MTHFS: variants seen among roughly 807,000 people sequenced by gnomAD.
MTHFS encodes the protein methenyltetrahydrofolate synthetase.
In MTHFS, 7 loss-of-function variants were observed where a neutral mutation model predicts 12.7. The observed-to-expected ratio is 0.55, with a 90% CI of 0.31 to 1.03. The LOEUF is 1.03. MTHFS is among the 50% of genes least tolerant of loss of function. The pLI is 0.05. For missense variants in MTHFS, 252 were observed against 258.1 expected (o/e 0.98, Z 0.16); for synonymous variants, 100 against 97.1 (o/e 1.03, Z -0.18).
intron 2 of MTHFS, among the ~76,000 whole-genome samples, chr15:79,851,220 T>C (rs1472091496): frequency 6.6e-6 from 1 of 152,194 alleles, no homozygotes; most frequent in Admixed American, 6.5e-5. Context: ...TCCCAGTCCA[T>C]GCAGTTTGGT....
At chr15:79,886,902 A>G (rs1460730796) in intron 2 of MTHFS, among the ~76,000 whole-genome samples, 1 of 152,178 alleles carries the variant, frequency 6.6e-6, no homozygotes, top group Non-Finnish European at 1.5e-5. Context: ...AAATTAATAA[A>G]TTACCATTTA....
intron 2 of MTHFS, among the ~76,000 whole-genome samples, chr15:79,867,844 G>T (rs1458566328): frequency 6.6e-6 from 1 of 152,134 alleles, no homozygotes; most frequent in Non-Finnish European, 1.5e-5. Context: ...ACTTGGAAGA[G>T]TATCTCCAGT....
intron 2 of MTHFS, among the ~76,000 whole-genome samples, chr15:79,871,308 G>A (rs746300952): frequency 2.1e-4 from 32 of 152,084 alleles, no homozygotes; most frequent in African/African-American, 5.1e-4. Flanking sequence ...GGGAAAAAAG[G>A]ACACAAAGAA....
At chr15:79,890,754 C>T (rs1279913681) in intron 1 of MTHFS, among the ~76,000 whole-genome samples, 1 of 152,074 alleles carries the variant, frequency 6.6e-6, no homozygotes, top group Non-Finnish European at 1.5e-5. Context: ...AGATAGAGCA[C>T]ATCAAACCAG....
intron 2 of MTHFS, among the ~76,000 whole-genome samples, chr15:79,885,904 G>A (rs1451810169): frequency 6.6e-6 from 1 of 152,212 alleles, no homozygotes; most frequent in Non-Finnish European, 1.5e-5. Flanking sequence ...GAACTTTTCA[G>A]TCTCTGGGCC....
intron 2 of MTHFS, among the ~76,000 whole-genome samples, chr15:79,888,739 G>C (rs1443942230): frequency 6.6e-6 from 1 of 152,184 alleles, no homozygotes; most frequent in Non-Finnish European, 1.5e-5. Context: ...ACACATGGTA[G>C]GTAGTCGAAG....
intron 1 of MTHFS, 129 bp from the exon 2 acceptor site, chr15:79,889,483 G>GA (rs2034437078): frequency 3.0e-6 from 4 of 1,342,712 alleles, no homozygotes; most frequent in East Asian, 2.5e-5. Context: ...AAGGGGGGGG[G>GA]ACCAGAGTGA....
At chr15:79,863,764 A>C (rs1353542058) in intron 2 of MTHFS, among the ~76,000 whole-genome samples, 1 of 152,218 alleles carries the variant, frequency 6.6e-6, no homozygotes, top group Non-Finnish European at 1.5e-5. Flanking sequence ...AGGCAGGACC[A>C]TATGGCATAT....
At chr15:79,850,232 G>A (rs533352459) in intron 2 of MTHFS, among the ~76,000 whole-genome samples, 4 of 152,304 alleles carry the variant, frequency 2.6e-5, no homozygotes, top group Non-Finnish European at 4.4e-5. Context: ...AAGGGGTATA[G>A]TTTCTCCAAT....
chr15:79,844,940 G>A lies in MTHFS; in HGVS notation c.*270C>T. The A allele has an allele frequency of 2.1e-6, 1 of 477,446 alleles. No homozygotes were observed. The highest frequency in any genetic ancestry group is 3.7e-6 in the Non-Finnish European group (1 of 270,762). The allele number at this position is 477,446 out of a possible 1,614,324, so 29.6% of individuals were successfully genotyped here. On this transcript the variant is annotated 3_prime_UTR_variant, in exon 3 of 3. Coordinates refer to ENST00000258874, the MANE Select transcript of MTHFS (RefSeq NM_006441.4). Reference sequence around the variant, plus strand: ...ATAAATATTTAACTTAAATTGCAAAGTAGACAGATCAACTTGTCACATTAA... The same window carrying A: ...ATAAATATTTAACTTAAATTGCAAAATAGACAGATCAACTTGTCACATTAA...
intron 2 of MTHFS, among the ~76,000 whole-genome samples, chr15:79,878,737 T>C (rs897920838): frequency 6.6e-6 from 1 of 150,762 alleles, no homozygotes; most frequent in Non-Finnish European, 1.5e-5. Context: ...GGTGGGAGAG[T>C]CTCCAGAGCA....
intron 2 of MTHFS, among the ~76,000 whole-genome samples, chr15:79,864,911 C>T (rs2033983058): frequency 6.6e-6 from 1 of 152,064 alleles, no homozygotes; most frequent in Non-Finnish European, 1.5e-5. Context: ...ATTTTTATGG[C>T]TGGCATTTGC....
chr15:79,860,517 C>T (rs1229256395), intron 2 of MTHFS, among the ~76,000 whole-genome samples: 6 of 151,702 alleles, frequency 4.0e-5, no homozygotes, highest in Non-Finnish European at 7.4e-5. Context: ...GATAAATTCC[C>T]GGAAAGAAAT....
intron 2 of MTHFS, among the ~76,000 whole-genome samples, chr15:79,883,722 A>G (rs993114111): frequency 6.6e-6 from 1 of 152,118 alleles, no homozygotes; most frequent in Admixed American, 6.5e-5. Context: ...TCCTCTCAAC[A>G]ACACAATTAG....
intron 2 of MTHFS, among the ~76,000 whole-genome samples, chr15:79,851,114 A>G (rs2033710232): frequency 6.6e-6 from 1 of 152,192 alleles, no homozygotes; most frequent in Non-Finnish European, 1.5e-5. Context: ...CTCCTGCGAC[A>G]TTGTTTTTCA....
chr15:79,868,383 G>A (rs1471923789), intron 2 of MTHFS, among the ~76,000 whole-genome samples: 3 of 152,144 alleles, frequency 2.0e-5, no homozygotes, highest in African/African-American at 4.8e-5. Context: ...TTTCCTCATA[G>A]AAGATAATCT....
chr15:79,886,249 C>G (rs2034380466), intron 2 of MTHFS, among the ~76,000 whole-genome samples: 1 of 152,152 alleles, frequency 6.6e-6, no homozygotes, highest in African/African-American at 2.4e-5. Context: ...CAGCTTGTCC[C>G]AAACACTGTA....
chr15:79,849,575 T>A lies in MTHFS; in HGVS notation c.380-4133A>T, dbSNP rs541014375. On this transcript the variant is annotated intron_variant, in intron 2 of 2. Transcript: ENST00000258874. ...ACCTTCACACACCACAAGGTCAGAA[T>A]TCAATAGGGGAGACAGAAGAAAAAC... Among the ~76,000 whole-genome samples the A allele has an allele frequency of 3.3e-4, 50 of 152,314 alleles. 2 individuals carry two copies. The South Asian group carries it at 9.7e-3, about 30-fold the overall frequency.
intron 1 of MTHFS, among the ~76,000 whole-genome samples, chr15:79,894,933 T>C (rs1253590995): frequency 1.3e-5 from 2 of 152,030 alleles, no homozygotes; most frequent in African/African-American, 4.8e-5. Flanking sequence ...AGCCCCTTAC[T>C]GGTCTCCATA....
Sources: gnomAD v4.1 joint callset for allele counts (sites outside exome capture counted in the v4.1 genomes callset) on GRCh38, gnomAD v4.1.1 for gene constraint, MANE v1.5 for transcripts, NCBI Gene and HGNC (gene_info 2026-07-23, HGNC 2026-07-21) for gene names.